Variants in PCBP3 observed in about 807,000 individuals in gnomAD.
PCBP3 encodes the protein poly(rC) binding protein 3.
PCBP3 carries 25 observed loss-of-function variants against 52.7 expected under a neutral mutation model. The ratio of observed to expected loss-of-function variants is 0.47; its 90% CI spans 0.35 to 0.66. The LOEUF (loss-of-function observed/expected upper bound fraction) is 0.66, where lower values mean the gene tolerates loss of function less well. Ranked by LOEUF, PCBP3 falls within the 30% of genes least tolerant of loss-of-function variation. PCBP3 has a pLI of 0.01. For synonymous variants in PCBP3, 162 were observed against 183.0 expected (o/e 0.89, Z 0.93); for missense variants, 391 against 490.3 (o/e 0.80, Z 1.91).
At chr21:45,787,446 C>T (rs2091242592) in intron 4 of PCBP3, among the ~76,000 whole-genome samples, 1 of 151,906 alleles carries the variant, frequency 6.6e-6, no homozygotes, top group Admixed American at 6.6e-5. Flanking sequence ...CTAGGTCTCC[C>T]TGTGTTGCCC....
chr21:45,934,032 G>C (rs1240494124), intron 15 of PCBP3, among the ~76,000 whole-genome samples: 1 of 152,148 alleles, frequency 6.6e-6, no homozygotes, highest in Non-Finnish European at 1.5e-5. Flanking sequence ...GGTGCATTTT[G>C]GGGACCCCTC....
intron 15 of PCBP3, among the ~76,000 whole-genome samples, chr21:45,932,795 C>G (rs1397789547): frequency 9.9e-6 from 1 of 100,822 alleles, no homozygotes; most frequent in Non-Finnish European, 2.1e-5. Flanking sequence ...CATGCCGTCC[C>G]GAGATGAATG....
chr21:45,932,666 C>T (rs2076404092), intron 15 of PCBP3, among the ~76,000 whole-genome samples: 1 of 151,720 alleles, frequency 6.6e-6, no homozygotes, highest in African/African-American at 2.4e-5. Flanking sequence ...TCATGCTGTC[C>T]TGAGATGAAT....
At position 45,837,944 on chromosome 21, in the gene PCBP3, T is replaced by G. The variant is rs549294125; in HGVS notation, c.-125-12017T>G. Among the ~76,000 whole-genome samples, 1 of 152,362 alleles carries G rather than the reference T, an allele frequency of 6.6e-6. No homozygotes were observed. Among genetic ancestry groups the G allele is most frequent in the South Asian group, 2.1e-4 (1 of 4,832 alleles). Reference sequence around the variant, plus strand: ...GCAGAACGGTGATTTTCTAATTGTGTTGTTCTTTCTGTACTTATTAGTTGG... The same window carrying G: ...GCAGAACGGTGATTTTCTAATTGTGGTGTTCTTTCTGTACTTATTAGTTGG... On this transcript the variant is annotated intron_variant, in intron 4 of 17. Coordinates refer to ENST00000681687, the MANE Select transcript of PCBP3 (RefSeq NM_001384156.1). The surrounding 1 kb of genome is among the most constrained non-coding windows in gnomAD (Gnocchi z 4.1).
At chr21:45,935,127 G>A in intron 15 of PCBP3, 126 bp from the exon 16 acceptor site, 1 of 665,266 alleles carries the variant, frequency 1.5e-6, no homozygotes, top group Non-Finnish European at 2.7e-6. Context: ...GGGCTGTGCT[G>A]ACCCTCACAC....
chr21:45,837,715 G>C lies in PCBP3; in HGVS notation c.-125-12246G>C, dbSNP rs1456264874. On this transcript the variant is annotated intron_variant, in intron 4 of 17. Coordinates refer to ENST00000681687, the MANE Select transcript of PCBP3 (RefSeq NM_001384156.1). This position sits in a 1 kb window ranked among gnomAD's most constrained non-coding sequence, Gnocchi z 4.1. ...CAGATTTATTTTTCCTGTGAGGCGA[G>C]CGAGCTTCCTAGGTGGCACTGCACG... Among the ~76,000 whole-genome samples the C allele has an allele frequency of 2.0e-5, 3 of 152,174 alleles. No individual in the cohort carries two copies. Among genetic ancestry groups the C allele is most frequent in the African/African-American group, 7.2e-5 (3 of 41,440 alleles).
chr21:45,833,679 A>C (rs545062971), intron 4 of PCBP3, among the ~76,000 whole-genome samples: 2 of 152,170 alleles, frequency 1.3e-5, no homozygotes, highest in Non-Finnish European at 1.5e-5. Flanking sequence ...GCGCCCATGA[A>C]TGTGAGTGGC....
intron 2 of PCBP3, among the ~76,000 whole-genome samples, chr21:45,725,233 A>G (rs2084942009): frequency 6.6e-6 from 1 of 151,896 alleles, no homozygotes; most frequent in African/African-American, 2.4e-5. Flanking sequence ...GCGCTTGGGA[A>G]GTGCCCTGAC....
At chr21:45,900,526 A>G in intron 7 of PCBP3, 65 bp from the exon 8 acceptor site, 1 of 1,341,500 alleles carries the variant, frequency 7.5e-7, no homozygotes, top group South Asian at 1.2e-5. Flanking sequence ...CCCACCCACC[A>G]TGGGCCGCGC....
At chr21:45,862,389 C>A (rs2094544720) in intron 5 of PCBP3, among the ~76,000 whole-genome samples, 1 of 152,064 alleles carries the variant, frequency 6.6e-6, no homozygotes, top group Admixed American at 6.5e-5. Context: ...AAAAATATTT[C>A]ATGTATAATA....
At chr21:45,926,807 AGG>A (rs545388211) in intron 13 of PCBP3, among the ~76,000 whole-genome samples, 414 of 100,848 alleles carry the variant, frequency 4.1e-3, no homozygotes, top group South Asian at 0.015. Flanking sequence ...TTCTGAGATC[AGG>A]GGACGATTTC....
intron 2 of PCBP3, among the ~76,000 whole-genome samples, chr21:45,690,891 T>G (rs576680217): frequency 6.6e-6 from 1 of 152,230 alleles, no homozygotes; most frequent in South Asian, 2.1e-4. Context: ...GTAAACTGGA[T>G]CCATCACACA....
At chr21:45,671,574 C>G (rs1380922326) in intron 2 of PCBP3, among the ~76,000 whole-genome samples, 1 of 152,130 alleles carries the variant, frequency 6.6e-6, no homozygotes, top group Non-Finnish European at 1.5e-5. Context: ...AAGCAAAGGC[C>G]ACTAGACACT....
intron 4 of PCBP3, among the ~76,000 whole-genome samples, chr21:45,826,443 A>G (rs2093311113): frequency 6.6e-6 from 1 of 152,194 alleles, no homozygotes; most frequent in Non-Finnish European, 1.5e-5. Flanking sequence ...CTTGACATGA[A>G]TGAGTCTAAA....
chr21:45,661,958 A>G (rs1454971038), intron 1 of PCBP3, among the ~76,000 whole-genome samples: 1 of 151,874 alleles, frequency 6.6e-6, no homozygotes, highest in East Asian at 1.9e-4. Context: ...ATGCCTGTTC[A>G]TGTTTGCTTA....
chr21:45,889,280 A>G (rs568520039), intron 5 of PCBP3, among the ~76,000 whole-genome samples: 1 of 152,330 alleles, frequency 6.6e-6, no homozygotes, highest in East Asian at 1.9e-4. Context: ...CATGCGGGCC[A>G]GCAGCCTCTG....
chr21:45,728,529 T>TGTGTA (rs1482996636), intron 2 of PCBP3: 6 of 152,196 alleles, frequency 3.9e-5, no homozygotes, highest in African/African-American at 1.4e-4. Flanking sequence ...AATATTGATG[T>TGTGTA]CTTTTCTTAT....
At chr21:45,793,449 G>A (rs1009809672) in intron 4 of PCBP3, among the ~76,000 whole-genome samples, 1 of 152,126 alleles carries the variant, frequency 6.6e-6, no homozygotes, top group Admixed American at 6.5e-5. Flanking sequence ...GGCCAAGCGC[G>A]ATGCTGAGAA....
intron 4 of PCBP3, among the ~76,000 whole-genome samples, chr21:45,799,522 G>T (rs111821138): frequency 0.011 from 1,726 of 152,222 alleles, 50 homozygotes; most frequent in African/African-American, 0.039. Context: ...ATAGTCCATG[G>T]TTCCAGGTAG....
Sources: gnomAD v4.1 joint callset for allele counts (sites outside exome capture counted in the v4.1 genomes callset) on GRCh38, gnomAD v4.1.1 for gene constraint, Gnocchi (gnomAD v3.1) non-coding constraint, MANE v1.5 for transcripts, NCBI Gene and HGNC (gene_info 2026-07-23, HGNC 2026-07-21) for gene names.